The following PTPRM variants were observed in gnomAD, a reference collection of about 807,000 sequenced individuals.
The protein encoded by PTPRM is receptor-type tyrosine-protein phosphatase mu.
PTPRM carries 47 observed loss-of-function variants against 186.7 expected under a neutral mutation model. That is an observed-to-expected ratio of 0.25 (90% CI 0.20 to 0.32). The LOEUF (loss-of-function observed/expected upper bound fraction) is 0.32. PTPRM is among the 10% of genes least tolerant of loss of function. The pLI is 1.00. For synonymous variants in PTPRM, 668 were observed against 674.9 expected, an observed-to-expected ratio of 0.99 and a Z score of 0.16; for missense variants, 1,494 against 1,865.0, an observed-to-expected ratio of 0.80 and a Z score of 3.66.
chr18:8,196,036 G>A (rs1044276874), intron 14 of PTPRM, among the ~76,000 whole-genome samples: 3 of 152,164 alleles, frequency 2.0e-5, no homozygotes, highest in Non-Finnish European at 4.4e-5. Context: ...TGACCAGCTG[G>A]CTAGAGGTAA....
At chr18:8,193,907 C>T (rs2093741273) in intron 14 of PTPRM, among the ~76,000 whole-genome samples, 1 of 152,232 alleles carries the variant, frequency 6.6e-6, no homozygotes, top group Non-Finnish European at 1.5e-5. Context: ...ACTGGGTCTT[C>T]AATTTCCAGT....
chr18:8,178,905 A>G (rs2093529815), intron 14 of PTPRM, among the ~76,000 whole-genome samples: 1 of 152,216 alleles, frequency 6.6e-6, no homozygotes, highest in East Asian at 1.9e-4. Context: ...TGTACCATCA[A>G]ATACCTGTAT....
chr18:8,031,354 C>T (rs73385649), intron 7 of PTPRM, among the ~76,000 whole-genome samples: 3,484 of 152,190 alleles, frequency 0.023, 126 homozygotes, highest in African/African-American at 0.079. Context: ...AAATCAATGT[C>T]TGGGAATGAA....
chr18:7,678,602 A>G (rs2039404570), intron 1 of PTPRM, among the ~76,000 whole-genome samples: 1 of 152,170 alleles, frequency 6.6e-6, no homozygotes, highest in Non-Finnish European at 1.5e-5. Flanking sequence ...ACAGAGGTAT[A>G]TAAATTTAAA....
intron 14 of PTPRM, among the ~76,000 whole-genome samples, chr18:8,232,213 A>G (rs1007163402): frequency 2.0e-5 from 3 of 152,246 alleles, no homozygotes; most frequent in Non-Finnish European, 4.4e-5. Context: ...GCCATTATGT[A>G]GCCTTTCAGA....
chr18:7,598,675 C>G (rs2037324995), intron 1 of PTPRM, among the ~76,000 whole-genome samples: 2 of 151,846 alleles, frequency 1.3e-5, no homozygotes, highest in Non-Finnish European at 2.9e-5. Flanking sequence ...TTTGCTTATT[C>G]AACTTTTGCC....
intron 14 of PTPRM, among the ~76,000 whole-genome samples, chr18:8,240,282 T>A (rs2094400225): frequency 6.6e-6 from 1 of 152,056 alleles, no homozygotes; most frequent in African/African-American, 2.4e-5. Flanking sequence ...CTTCACTTTA[T>A]GGCTCTTTTG....
intron 1 of PTPRM, among the ~76,000 whole-genome samples, chr18:7,644,771 A>G (rs536316278): frequency 5.3e-5 from 8 of 152,198 alleles, no homozygotes; most frequent in African/African-American, 1.9e-4. Context: ...TGCAAGACAA[A>G]TGAGTGGGTA....
intron 1 of PTPRM, among the ~76,000 whole-genome samples, chr18:7,753,413 G>A (rs538688515): frequency 8.5e-5 from 13 of 152,232 alleles, no homozygotes; most frequent in African/African-American, 2.4e-4. Context: ...AGCTTTGAAA[G>A]CAGACACATC....
At chr18:8,214,505 G>T (rs12455334) in intron 14 of PTPRM, among the ~76,000 whole-genome samples, 40,861 of 151,912 alleles carry the variant, frequency 0.27, 5,561 homozygotes, top group Middle Eastern at 0.51. Flanking sequence ...CATTAAGTGA[G>T]AGTTTTTTAT....
intron 14 of PTPRM, among the ~76,000 whole-genome samples, chr18:8,162,696 G>C (rs1349457667): frequency 6.6e-6 from 1 of 152,160 alleles, no homozygotes; most frequent in Admixed American, 6.5e-5. Context: ...TTTTATGCCG[G>C]GTTTGAGGAG....
chr18:7,730,610 AG>A (rs1196719493), intron 1 of PTPRM, among the ~76,000 whole-genome samples: 3 of 152,234 alleles, frequency 2.0e-5, no homozygotes, highest in African/African-American at 7.2e-5. Context: ...GGTAATTAAA[AG>A]TCATTTATCT....
At chr18:7,829,174 T>C (rs2045638199) in intron 2 of PTPRM, among the ~76,000 whole-genome samples, 1 of 152,232 alleles carries the variant, frequency 6.6e-6, no homozygotes, top group Non-Finnish European at 1.5e-5. Context: ...AATTGTGACA[T>C]ATTTATATGG....
chr18:7,570,941 G>GT (rs11312671), intron 1 of PTPRM, among the ~76,000 whole-genome samples: 7 of 133,486 alleles, frequency 5.2e-5, no homozygotes, highest in African/African-American at 1.4e-4. Flanking sequence ...AAAATTGTGG[G>GT]TTTTTTTTTT....
At chr18:8,308,948 G>T in intron 20 of PTPRM, among the ~76,000 whole-genome samples, 1 of 152,166 alleles carries the variant, frequency 6.6e-6, no homozygotes, top group East Asian at 1.9e-4. Flanking sequence ...GACAGCGTTG[G>T]TATATACTCT....
At chr18:7,834,265 A>G (rs1016329824) in intron 2 of PTPRM, among the ~76,000 whole-genome samples, 2 of 151,714 alleles carry the variant, frequency 1.3e-5, no homozygotes, top group South Asian at 2.1e-4. Context: ...CTTGCATCCC[A>G]TGGATAAAGC....
At chr18:7,910,367 G>A (rs979810264) in intron 4 of PTPRM, among the ~76,000 whole-genome samples, 36 of 152,156 alleles carry the variant, frequency 2.4e-4, no homozygotes, top group African/African-American at 8.4e-4. Context: ...AACAAAGCAA[G>A]GAAAGAATGA....
chr18:8,057,103 T>G (rs537699127), intron 7 of PTPRM, among the ~76,000 whole-genome samples: 5 of 150,530 alleles, frequency 3.3e-5, no homozygotes, highest in African/African-American at 9.8e-5. Context: ...TTGAAAATTT[T>G]TAAGCATCCT....
chr18:7,706,033 CTA>C (rs1437321345), intron 1 of PTPRM, among the ~76,000 whole-genome samples: 1 of 148,272 alleles, frequency 6.7e-6, no homozygotes. Flanking sequence ...AGAAAACATA[CTA>C]TATATGTGTG....
Sources: allele counts gnomAD v4.1 joint callset (sites outside exome capture counted in the v4.1 genomes callset), GRCh38; gene constraint gnomAD v4.1.1; transcripts MANE v1.5; gene names NCBI Gene and HGNC (gene_info 2026-07-23, HGNC 2026-07-21).